CSNK2A2IP: variants seen among roughly 807,000 people sequenced by gnomAD.
CSNK2A2IP encodes the protein casein kinase II subunit alpha'-interacting protein.
chr3:88,458,319 T>G, the CSNK2A2IP span, among the ~76,000 whole-genome samples: 17 of 151,852 alleles, frequency 1.1e-4, no homozygotes, highest in Non-Finnish European at 5.9e-5. Flanking sequence ...CCTGGCTAAT[T>G]TTTGTGTTTT....
chr3:88,384,110 G>GGATC, the CSNK2A2IP span, among the ~76,000 whole-genome samples: 1 of 152,050 alleles, frequency 6.6e-6, no homozygotes, highest in African/African-American at 2.4e-5. Context: ...ACCTTGTGTA[G>GGATC]GATCTACTTT....
the CSNK2A2IP span, among the ~76,000 whole-genome samples, chr3:88,361,143 C>G: frequency 6.6e-6 from 1 of 152,072 alleles, no homozygotes; most frequent in Non-Finnish European, 1.5e-5. Context: ...GTTGTTTAGA[C>G]ATGGAAATTA....
the CSNK2A2IP span, among the ~76,000 whole-genome samples, chr3:88,414,249 C>G: frequency 7.3e-6 from 1 of 137,142 alleles, no homozygotes; most frequent in Non-Finnish European, 1.5e-5. Context: ...CCTAAAATAT[C>G]AGCAAAATTG....
chr3:88,453,159 T>C, the CSNK2A2IP span, among the ~76,000 whole-genome samples: 11 of 152,126 alleles, frequency 7.2e-5, no homozygotes, highest in Admixed American at 5.2e-4. Flanking sequence ...GAGAAACTTA[T>C]GAAGTTGGTT....
the CSNK2A2IP span, among the ~76,000 whole-genome samples, chr3:88,346,189 G>T: frequency 6.6e-6 from 1 of 151,952 alleles, no homozygotes; most frequent in Admixed American, 6.6e-5. Flanking sequence ...AAAGTTTAAA[G>T]CTAGAAGAGG....
the CSNK2A2IP span, among the ~76,000 whole-genome samples, chr3:88,446,101 T>TC: frequency 4.7e-4 from 62 of 132,438 alleles, no homozygotes; most frequent in African/African-American, 1.1e-3. Flanking sequence ...TTTCTTTCTT[T>TC]TTTTCTTTCT....
the CSNK2A2IP span, among the ~76,000 whole-genome samples, chr3:88,357,022 G>A: frequency 6.6e-6 from 1 of 152,046 alleles, no homozygotes; most frequent in African/African-American, 2.4e-5. Flanking sequence ...TCCTTTGTCA[G>A]TTGAATAGTT....
chr3:88,338,966 C>T, the CSNK2A2IP span, among the ~76,000 whole-genome samples: 1 of 151,832 alleles, frequency 6.6e-6, no homozygotes, highest in East Asian at 1.9e-4. Context: ...GTATGCGGTA[C>T]ATGTGATGTT....
the CSNK2A2IP span, among the ~76,000 whole-genome samples, chr3:88,351,057 AC>A: frequency 1.3e-5 from 2 of 152,194 alleles, no homozygotes; most frequent in Non-Finnish European, 2.9e-5. Flanking sequence ...GACTAAGAGC[AC>A]CTTTAACACT....
At chr3:88,360,780 T>C in the CSNK2A2IP span, among the ~76,000 whole-genome samples, 1 of 152,210 alleles carries the variant, frequency 6.6e-6, no homozygotes, top group East Asian at 1.9e-4. Context: ...TTTTGTTGTG[T>C]ATAAGTGGAT....
At chr3:88,342,405 G>A in the CSNK2A2IP span, among the ~76,000 whole-genome samples, 1 of 151,946 alleles carries the variant, frequency 6.6e-6, no homozygotes, top group Non-Finnish European at 1.5e-5. Flanking sequence ...TAAGGCAAAT[G>A]CTGAGCTGTA....
At chr3:88,449,820 GACACACACAC>G in the CSNK2A2IP span, among the ~76,000 whole-genome samples, 1,906 of 47,098 alleles carry the variant, frequency 0.04, 110 homozygotes, top group African/African-American at 0.12. Context: ...TTTATATCGA[GACACACACAC>G]ACACACACAC....
At chr3:88,380,696 G>C in the CSNK2A2IP span, among the ~76,000 whole-genome samples, 1 of 151,662 alleles carries the variant, frequency 6.6e-6, no homozygotes, top group South Asian at 2.1e-4. Flanking sequence ...GTAGAATACT[G>C]ACCTAAAATA....
chr3:88,343,162 A>G, the CSNK2A2IP span: 1 of 152,252 alleles, frequency 6.6e-6, no homozygotes, highest in Non-Finnish European at 1.5e-5. Context: ...AAATGGCCCA[A>G]GGAGAAGAGT....
the CSNK2A2IP span, among the ~76,000 whole-genome samples, chr3:88,384,948 A>G: frequency 6.6e-6 from 1 of 152,192 alleles, no homozygotes; most frequent in Admixed American, 6.5e-5. Flanking sequence ...AGAGGGATCA[A>G]AAATTATTTT....
At chr3:88,420,611 T>A in the CSNK2A2IP span, among the ~76,000 whole-genome samples, 1 of 152,272 alleles carries the variant, frequency 6.6e-6, no homozygotes, top group African/African-American at 2.4e-5. Context: ...CGGCAGTAGA[T>A]TCATTCATGA....
At chr3:88,427,962 G>C in the CSNK2A2IP span, among the ~76,000 whole-genome samples, 1 of 152,110 alleles carries the variant, frequency 6.6e-6, no homozygotes, top group South Asian at 2.1e-4. Context: ...TATTCACTGA[G>C]AGATTGCACC....
the CSNK2A2IP span, among the ~76,000 whole-genome samples, chr3:88,423,467 T>A: frequency 6.6e-6 from 1 of 152,056 alleles, no homozygotes; most frequent in Non-Finnish European, 1.5e-5. Flanking sequence ...ATGCACAGAC[T>A]TTGGAAGCTA....
chr3:88,443,330 A>T, the CSNK2A2IP span, among the ~76,000 whole-genome samples: 1 of 152,206 alleles, frequency 6.6e-6, no homozygotes, highest in Non-Finnish European at 1.5e-5. Context: ...ATAGTATTAG[A>T]AGTGAGAAAA....
Sources: gnomAD v4.1 joint callset for allele counts (sites outside exome capture counted in the v4.1 genomes callset) on GRCh38, gnomAD v4.1.1 for gene constraint, MANE v1.5 for transcripts, NCBI Gene and HGNC (gene_info 2026-07-23, HGNC 2026-07-21) for gene names.